The following ASAP1 variants were observed in gnomAD, a reference collection of about 807,000 sequenced individuals.
ASAP1 encodes the protein arf-GAP with SH3 domain, ANK repeat and PH domain-containing protein 1.
Under a neutral mutation model 145.2 loss-of-function variants are expected in ASAP1, and 43 were observed. The observed-to-expected ratio is 0.30, with a 90% CI of 0.23 to 0.38. The LOEUF (loss-of-function observed/expected upper bound fraction) is 0.38, where lower values mean the gene tolerates loss of function less well. Ranked by LOEUF, ASAP1 falls within the 10% of genes least tolerant of loss-of-function variation. The probability of loss-of-function intolerance (pLI) is 1.00; values close to 1 mark genes in which losing one functional copy is unlikely to be tolerated. For missense variants in ASAP1, 1,018 were observed against 1,355.3 expected (o/e 0.75, Z 3.91); for synonymous variants, 546 against 515.5 (o/e 1.06, Z -0.80).
intron 3 of ASAP1, among the ~76,000 whole-genome samples, chr8:130,263,978 C>T (rs1820094455): frequency 6.6e-6 from 1 of 152,204 alleles, no homozygotes; most frequent in Non-Finnish European, 1.5e-5. Flanking sequence ...CTGTGGTGCA[C>T]ACACTGACAA....
chr8:130,415,732 G>A (rs533435044), intron 1 of ASAP1, among the ~76,000 whole-genome samples: 1 of 148,556 alleles, frequency 6.7e-6, no homozygotes, highest in South Asian at 2.1e-4. Context: ...AGGTTGCAGT[G>A]AGCCAAGATC....
At chr8:130,207,459 C>T (rs1250557603) in intron 5 of ASAP1, among the ~76,000 whole-genome samples, 2 of 152,196 alleles carry the variant, frequency 1.3e-5, no homozygotes, top group Non-Finnish European at 2.9e-5. Flanking sequence ...GGATACGGCC[C>T]TTGTCTGTGT....
At chr8:130,132,471 T>C (rs1042507596) in intron 15 of ASAP1, among the ~76,000 whole-genome samples, 49 of 152,140 alleles carry the variant, frequency 3.2e-4, no homozygotes, top group African/African-American at 1.2e-3. Flanking sequence ...GCCTGGAGTA[T>C]AGAGTATTTA....
intron 13 of ASAP1, among the ~76,000 whole-genome samples, chr8:130,142,567 C>T (rs778134291): frequency 3.3e-5 from 5 of 152,146 alleles, no homozygotes; most frequent in Admixed American, 6.5e-5. Flanking sequence ...GACTTGATTA[C>T]GTATGGGGGC....
At chr8:130,073,119 G>A (rs1478245072) in intron 27 of ASAP1, among the ~76,000 whole-genome samples, 1 of 151,322 alleles carries the variant, frequency 6.6e-6, no homozygotes, top group African/African-American at 2.4e-5. Flanking sequence ...TACTTTGGTA[G>A]GAGATAGAAA....
intron 15 of ASAP1, 139 bp from the exon 16 acceptor site, chr8:130,128,229 A>C: frequency 1.8e-6 from 1 of 549,126 alleles, no homozygotes; most frequent in Non-Finnish European, 2.8e-6. Context: ...CCCTTCCAAA[A>C]TAGCAATAAA....
At position 130,252,628 on chromosome 8, in the gene ASAP1, A is replaced by C. The variant is rs73427358; in HGVS notation, c.187-15634T>G. On this transcript the variant is annotated intron_variant, in intron 3 of 29. Transcript: ENST00000518721. Reference sequence around the variant, plus strand: ...CAAGAGCTCCTGTCTGGGGCCCAAAAGAAAACTGTAATCACAGCAATTACC... The same window carrying C: ...CAAGAGCTCCTGTCTGGGGCCCAAACGAAAACTGTAATCACAGCAATTACC... Among the ~76,000 whole-genome samples, 973 of 152,304 alleles carry C rather than the reference A, an allele frequency of 6.4e-3. 8 individuals are homozygous for C. The highest frequency in any genetic ancestry group is 0.023 in the African/African-American group (942 of 41,552).
Position 130,300,437 on chromosome 8 carries a change from GTATAACCA to G in ASAP1, c.186+57572_186+57579del. Among the ~76,000 whole-genome samples the G allele has an allele frequency of 1.3e-5, 2 of 152,054 alleles. 1 individual carries two copies. The highest frequency in any genetic ancestry group is 3.9e-4 in the East Asian group (2 of 5,184). Reference sequence around the variant, plus strand: ...AAAAACTCTCTGCCTTGTGTAGCTGGTATAACCATATTGTGGAAGTTCTCAGTTCTAGC... The same window carrying G: ...AAAAACTCTCTGCCTTGTGTAGCTGGTATTGTGGAAGTTCTCAGTTCTAGC... On this transcript the variant is annotated intron_variant, in intron 3 of 29. Coordinates refer to ENST00000518721, the MANE Select transcript of ASAP1 (RefSeq NM_018482.4).
At chr8:130,189,546 A>T (rs1040706132) in intron 5 of ASAP1, among the ~76,000 whole-genome samples, 1 of 151,996 alleles carries the variant, frequency 6.6e-6, no homozygotes, top group African/African-American at 2.4e-5. Flanking sequence ...TTCTTTATCT[A>T]CTCAACTGTT....
intron 3 of ASAP1, among the ~76,000 whole-genome samples, chr8:130,331,801 TAC>T (rs1279194633): frequency 6.6e-6 from 1 of 151,844 alleles, no homozygotes; most frequent in Non-Finnish European, 1.5e-5. Context: ...TAGAAACACA[TAC>T]ACACACACAT....
At chr8:130,404,055 T>C (rs557650293) in intron 1 of ASAP1, among the ~76,000 whole-genome samples, 1 of 152,356 alleles carries the variant, frequency 6.6e-6, no homozygotes, top group East Asian at 1.9e-4. Flanking sequence ...TTTTTAATTA[T>C]GTTTCAACGT....
chr8:130,259,768 G>A (rs559401837), intron 3 of ASAP1, among the ~76,000 whole-genome samples: 1 of 152,296 alleles, frequency 6.6e-6, no homozygotes, highest in East Asian at 1.9e-4. Context: ...CTTCACTTGA[G>A]AAAGAAAGTA....
At chr8:130,198,128 C>T (rs1815626513) in intron 5 of ASAP1, among the ~76,000 whole-genome samples, 1 of 151,104 alleles carries the variant, frequency 6.6e-6, no homozygotes, top group Non-Finnish European at 1.5e-5. Flanking sequence ...GGTTTATTTT[C>T]ATAAGATTTT....
chr8:130,152,924 C>A (rs1334457044), intron 12 of ASAP1, 119 bp from the exon 13 acceptor site: 11 of 687,800 alleles, frequency 1.6e-5, no homozygotes, highest in Non-Finnish European at 2.0e-5. Flanking sequence ...AAAAATCCAA[C>A]CCCCCCAAAA....
At chr8:130,286,470 C>G (rs1220080273) in intron 3 of ASAP1, among the ~76,000 whole-genome samples, 1 of 152,200 alleles carries the variant, frequency 6.6e-6, no homozygotes, top group East Asian at 1.9e-4. Flanking sequence ...AGAACTCCTT[C>G]ATGTACTGAT....
chr8:130,234,652 G>A (rs1474939041), intron 4 of ASAP1, among the ~76,000 whole-genome samples: 2 of 152,148 alleles, frequency 1.3e-5, no homozygotes, highest in African/African-American at 4.8e-5. Flanking sequence ...GTGGCCAAGG[G>A]ATGAAATGCA....
At chr8:130,432,777 AC>A (rs147226532) in intron 1 of ASAP1, among the ~76,000 whole-genome samples, 2,936 of 151,874 alleles carry the variant, frequency 0.019, 107 homozygotes, top group African/African-American at 0.068. Context: ...ATCTTTCTTC[AC>A]CCCCACTGCC....
chr8:130,227,070 G>T (rs183982118), intron 4 of ASAP1, among the ~76,000 whole-genome samples: 2 of 152,092 alleles, frequency 1.3e-5, no homozygotes, highest in Non-Finnish European at 2.9e-5. Flanking sequence ...GGATACAAAG[G>T]TTATTTAGTG....
At chr8:130,095,464 C>T (rs1009822330) in intron 24 of ASAP1, among the ~76,000 whole-genome samples, 2 of 151,778 alleles carry the variant, frequency 1.3e-5, no homozygotes, top group Admixed American at 6.6e-5. Context: ...CCACGTCTGG[C>T]TAATTTTTGT....
Sources: gnomAD v4.1 joint callset for allele counts (sites outside exome capture counted in the v4.1 genomes callset) on GRCh38, gnomAD v4.1.1 for gene constraint, MANE v1.5 for transcripts, NCBI Gene and HGNC (gene_info 2026-07-23, HGNC 2026-07-21) for gene names.